The following SNRPB2 variants were observed in gnomAD, a reference collection of about 807,000 sequenced individuals.
SNRPB2 encodes the protein U2 small nuclear ribonucleoprotein B''.
In SNRPB2, 16 loss-of-function variants were observed where a neutral mutation model predicts 26.3. The ratio of observed to expected loss-of-function variants is 0.61; its 90% CI spans 0.41 to 0.92. The LOEUF is 0.92. Among genes scored for constraint, SNRPB2 ranks in the 40% least tolerant of loss-of-function variants. The probability of loss-of-function intolerance (pLI) is 0.00; values close to 1 mark genes in which losing one functional copy is unlikely to be tolerated. For missense variants in SNRPB2, 179 were observed against 268.1 expected (o/e 0.67, Z 2.32); for synonymous variants, 75 against 89.0 (o/e 0.84, Z 0.88).
chr20:16,734,218 T>C (rs1478496599), intron 3 of SNRPB2, among the ~76,000 whole-genome samples: 2 of 152,160 alleles, frequency 1.3e-5, no homozygotes, highest in Non-Finnish European at 2.9e-5. Flanking sequence ...TTGATTATTA[T>C]ATTGAAGCAT....
At chr20:16,733,365 A>T (rs1422097005) in intron 3 of SNRPB2, among the ~76,000 whole-genome samples, 1 of 152,248 alleles carries the variant, frequency 6.6e-6, no homozygotes, top group Non-Finnish European at 1.5e-5. Context: ...CATGTAGGCC[A>T]TGCTAATGCA....
chr20:16,731,483 G>A (rs2072390128), intron 1 of SNRPB2, among the ~76,000 whole-genome samples, 185 bp from the exon 2 acceptor site: 1 of 152,210 alleles, frequency 6.6e-6, no homozygotes, highest in African/African-American at 2.4e-5. Context: ...AGTTTTGAAT[G>A]TGAGAAACTG....
At chr20:16,732,388 G>C (rs889900281) in intron 3 of SNRPB2, 52 bp downstream of exon 3, 3 of 948,460 alleles carry the variant, frequency 3.2e-6, no homozygotes, top group Non-Finnish European at 4.8e-6. Flanking sequence ...GATATTGATG[G>C]GACAGTAGAT....
rs921076035 is a variant in SNRPB2 at position 16,731,607 on chromosome 20, T to C, written c.-35-61T>C. 65 of 1,491,688 alleles carry C rather than the reference T, an allele frequency of 4.4e-5. No homozygotes were observed. In the African/African-American group the frequency reaches 7.5e-4, roughly 17 times the overall value. The allele number at this position is 1,491,688 out of a possible 1,614,324, so 92.4% of individuals were successfully genotyped here. A position where few individuals can be genotyped will look rare whatever the true frequency, so the allele number is the denominator to read the frequency against. On this transcript the variant is annotated intron_variant, in intron 1 of 6. Coordinates refer to ENST00000246071, the MANE Select transcript of SNRPB2 (RefSeq NM_003092.5). ...TGAAAGAGAAATGAAAAGTTAATAA[T>C]TCTTGTGTTGTGTCCTTATGCCACA...
intron 4 of SNRPB2, among the ~76,000 whole-genome samples, chr20:16,737,775 G>C (rs1600226550): frequency 6.6e-6 from 1 of 152,072 alleles, no homozygotes; most frequent in South Asian, 2.1e-4. Context: ...AGTGGCTCTT[G>C]CCTGTAATTC....
chr20:16,732,074 T>TGGG lies in SNRPB2; in HGVS notation c.65-84_65-82dup, dbSNP rs58201946. ...TATAACTGTATAAATAAGTGAATGG[T>TGGG]GGGGGGGGCAACTCAATGCAGTATC... On this transcript the variant is annotated intron_variant, in intron 2 of 6. Transcript: ENST00000246071. The TGGG allele has an allele frequency of 1.1e-5, 8 of 742,982 alleles. No individual in the cohort carries two copies. The African/African-American group carries it at 1.5e-4, about 14-fold the overall frequency. The allele number at this position is 742,982 out of a possible 1,614,324, so 46.0% of individuals were successfully genotyped here.
In SNRPB2 at chr20:16,731,669, T is replaced by A; in HGVS notation, c.-34T>A. On this transcript the variant is annotated splice_region_variant and 5_prime_UTR_variant, in exon 2 of 7. Transcript: ENST00000246071. ...TTTACTCCTTCCTTTTTATAACAGA[T>A]TTTTTACTGTCTCCTGAAGAATTTA... 1 of 1,609,216 alleles carries A rather than the reference T, an allele frequency of 6.2e-7. No homozygotes were observed.
At chr20:16,740,213 T>G (rs1210141923) in intron 5 of SNRPB2, 112 bp from the exon 6 acceptor site, 2 of 1,515,692 alleles carry the variant, frequency 1.3e-6, no homozygotes, top group Non-Finnish European at 1.8e-6. Context: ...GATTTATTTC[T>G]CCAGTGTCAT....
At chr20:16,737,900 T>A (rs1256998222) in intron 4 of SNRPB2, among the ~76,000 whole-genome samples, 1 of 150,850 alleles carries the variant, frequency 6.6e-6, no homozygotes, top group Non-Finnish European at 1.5e-5. Flanking sequence ...TTAGCTGGGC[T>A]TGGTGGTGGG....
chr20:16,736,140 G>A (rs1297575522), intron 3 of SNRPB2, among the ~76,000 whole-genome samples: 2 of 152,114 alleles, frequency 1.3e-5, no homozygotes, highest in African/African-American at 2.4e-5. Flanking sequence ...ACATCAATAC[G>A]ATGAAATACT....
rs139605159 is a variant in SNRPB2 at position 16,730,072 on chromosome 20, C to T, written c.-128C>T. The stretch of plus-strand genomic sequence containing the variant: ...AGTCGGCGTAGGCCTTAGGTGGGTT[C>T]GTGCGCCTTCTACCTCGCTGTTTCG... On this transcript the variant is annotated 5_prime_UTR_variant, in exon 1 of 7. Transcript: ENST00000246071. 9 of 152,438 alleles carry T rather than the reference C, an allele frequency of 5.9e-5. No individual in the cohort carries two copies. Among genetic ancestry groups the T allele is most frequent in the African/African-American group, 2.2e-4 (9 of 41,444 alleles). The allele number at this position is 152,438 out of a possible 1,614,324, so 9.4% of individuals were successfully genotyped here.
chr20:16,738,670 A>T (rs1048351188), intron 4 of SNRPB2, among the ~76,000 whole-genome samples, 182 bp from the exon 5 acceptor site: 4 of 152,162 alleles, frequency 2.6e-5, no homozygotes, highest in African/African-American at 9.7e-5. Flanking sequence ...ATAACCGACA[A>T]ATTAAGAACA....
intron 5 of SNRPB2, 150 bp from the exon 6 acceptor site, chr20:16,740,175 C>A: frequency 7.2e-7 from 1 of 1,390,276 alleles, no homozygotes; most frequent in African/African-American, 1.5e-5. Flanking sequence ...ACTTGAATGT[C>A]TGCCTTGCTT....
intron 2 of SNRPB2, 71 bp downstream of exon 2, chr20:16,731,837 G>A: frequency 6.3e-7 from 1 of 1,596,112 alleles, no homozygotes; most frequent in South Asian, 1.1e-5. Context: ...AAATTGTACT[G>A]CCTCAAAACC....
chr20:16,740,803 T>A (rs751415733), intron 6 of SNRPB2, 43 bp from the exon 7 acceptor site: 9 of 1,454,582 alleles, frequency 6.2e-6, no homozygotes, highest in Non-Finnish European at 9.5e-7. Context: ...AAGCAAACAT[T>A]TATGTACTTG....
At chr20:16,737,447 T>G in intron 4 of SNRPB2, 46 bp downstream of exon 4, 1 of 1,516,522 alleles carries the variant, frequency 6.6e-7, no homozygotes, top group Non-Finnish European at 8.9e-7. Flanking sequence ...TGTTAAAAAC[T>G]TGATAGATGC....
At chr20:16,733,300 G>A (rs190765428) in intron 3 of SNRPB2, among the ~76,000 whole-genome samples, 5 of 152,164 alleles carry the variant, frequency 3.3e-5, no homozygotes, top group African/African-American at 1.2e-4. Flanking sequence ...TCTGTTACCT[G>A]TTCTTTTATG....
At chr20:16,735,928 C>T (rs920777083) in intron 3 of SNRPB2, among the ~76,000 whole-genome samples, 2 of 152,230 alleles carry the variant, frequency 1.3e-5, no homozygotes, top group African/African-American at 4.8e-5. Context: ...ACACATTCCA[C>T]AGCTGCGACA....
Position 16,731,757 on chromosome 20 carries a change from A to G in SNRPB2, c.55A>G (p.Lys19Glu). The G allele has an allele frequency of 6.2e-7, 1 of 1,612,514 alleles. No homozygotes were observed. Among genetic ancestry groups the G allele is most frequent in the Non-Finnish European group, 8.5e-7 (1 of 1,178,962 alleles). Residue 19 changes from lysine to glutamate, a missense_variant, in exon 2 of 7, where the codon AAA (lysine) becomes GAA (glutamate). Lys to Glu is a moderately conservative substitution (Grantham distance 56). Transcript: ENST00000246071. ...TATCAACAATATGAATGACAAAATT[A>G]AAAAGGAAGGTAAGTGCTTTTTAGA... ...IYINNMNDKI[K>E]KEELKRSLYA...
Sources: gnomAD v4.1 joint callset for allele counts (sites outside exome capture counted in the v4.1 genomes callset) on GRCh38, gnomAD v4.1.1 for gene constraint, MANE v1.5 for transcripts, NCBI Gene and HGNC (gene_info 2026-07-23, HGNC 2026-07-21) for gene names.